Variants in MANBA observed in about 807,000 individuals in gnomAD.
The protein encoded by MANBA is mannosidase beta.
In MANBA, 83 loss-of-function variants were observed where a neutral mutation model predicts 111.1. The observed-to-expected ratio is 0.75, with a 90% confidence interval of 0.63 to 0.90. The LOEUF (loss-of-function observed/expected upper bound fraction) is 0.90. MANBA is among the 40% of genes least tolerant of loss of function. MANBA has a pLI of 0.00. For missense variants in MANBA, 1,036 were observed against 1,069.0 expected, an observed-to-expected ratio of 0.97 and a Z score of 0.43; for synonymous variants, 370 against 378.7, an observed-to-expected ratio of 0.98 and a Z score of 0.27.
intron 1 of MANBA, among the ~76,000 whole-genome samples, chr4:102,737,082 G>A (rs1216878500): frequency 1.3e-5 from 2 of 152,184 alleles, no homozygotes; most frequent in African/African-American, 4.8e-5. Context: ...GTCCAGGGAA[G>A]CCATTCCTGG....
intron 12 of MANBA, among the ~76,000 whole-genome samples, chr4:102,657,245 A>T (rs1730606637): frequency 7.8e-6 from 1 of 127,846 alleles, no homozygotes; most frequent in African/African-American, 2.8e-5. Flanking sequence ...GGCGGTGGTA[A>T]TGGAATAGGA....
intron 7 of MANBA, among the ~76,000 whole-genome samples, chr4:102,684,010 C>A (rs149583118): frequency 6.6e-6 from 1 of 152,104 alleles, no homozygotes; most frequent in African/African-American, 2.4e-5. Context: ...TTTCATGATT[C>A]CATACATTTC....
chr4:102,727,062 C>T (rs1158509851), intron 1 of MANBA, among the ~76,000 whole-genome samples: 1 of 152,192 alleles, frequency 6.6e-6, no homozygotes, highest in Non-Finnish European at 1.5e-5. Context: ...CAGGCATGAG[C>T]CATCATGTCC....
At chr4:102,744,861 G>A (rs1723534347) in intron 1 of MANBA, among the ~76,000 whole-genome samples, 1 of 152,156 alleles carries the variant, frequency 6.6e-6, no homozygotes, top group Non-Finnish European at 1.5e-5. Context: ...TATTTTTCTA[G>A]GTAGGGGTAG....
intron 1 of MANBA, among the ~76,000 whole-genome samples, chr4:102,743,346 C>T (rs1394484036): frequency 6.6e-6 from 1 of 152,232 alleles, no homozygotes; most frequent in African/African-American, 2.4e-5. Flanking sequence ...AGTGCACAAC[C>T]AGGTGCACTG....
chr4:102,653,121 T>G (rs1730409070), intron 12 of MANBA, among the ~76,000 whole-genome samples: 2 of 152,146 alleles, frequency 1.3e-5, no homozygotes, highest in African/African-American at 4.8e-5. Context: ...AGTTTACATT[T>G]CATGGGCTCT....
At chr4:102,753,246 A>G (rs1183536442) in intron 1 of MANBA, among the ~76,000 whole-genome samples, 1 of 152,070 alleles carries the variant, frequency 6.6e-6, no homozygotes, top group Admixed American at 6.5e-5. Flanking sequence ...TTGTCTCTAT[A>G]TACTTAGAAA....
At chr4:102,676,880 A>G (rs1731751310) in intron 7 of MANBA, among the ~76,000 whole-genome samples, 1 of 152,212 alleles carries the variant, frequency 6.6e-6, no homozygotes, top group Non-Finnish European at 1.5e-5. Context: ...AACTGCTAGT[A>G]GTCATTACAT....
At chr4:102,756,039 T>A (rs189807295) in intron 1 of MANBA, among the ~76,000 whole-genome samples, 2 of 152,280 alleles carry the variant, frequency 1.3e-5, no homozygotes, top group South Asian at 2.1e-4. Flanking sequence ...CTATAAACTA[T>A]TTCAACCATT....
chr4:102,716,401 GC>G (rs559738126), intron 4 of MANBA, among the ~76,000 whole-genome samples: 32 of 150,300 alleles, frequency 2.1e-4, no homozygotes, highest in African/African-American at 6.6e-4. Context: ...GGCTAAACTT[GC>G]CAACCTCAGG....
At chr4:102,681,955 G>A (rs955294064) in intron 7 of MANBA, among the ~76,000 whole-genome samples, 8 of 152,034 alleles carry the variant, frequency 5.3e-5, no homozygotes, top group South Asian at 2.1e-4. Flanking sequence ...AGACTAGCCT[G>A]ACCAACATGG....
intron 1 of MANBA, chr4:102,727,510 T>C (rs1233434162): frequency 6.4e-7 from 1 of 1,550,526 alleles, no homozygotes; most frequent in South Asian, 1.1e-5. Flanking sequence ...CACATCATTA[T>C]TGGGGATGAG....
At chr4:102,708,687 AC>A (rs1560788221) in intron 5 of MANBA, among the ~76,000 whole-genome samples, 1 of 152,092 alleles carries the variant, frequency 6.6e-6, no homozygotes, top group African/African-American at 2.4e-5. Context: ...GACAAAAAAA[AC>A]AGCAAAGGAT....
At chr4:102,693,611 G>A (rs1442686558) in intron 5 of MANBA, among the ~76,000 whole-genome samples, 3 of 152,142 alleles carry the variant, frequency 2.0e-5, no homozygotes, top group Admixed American at 6.6e-5. Flanking sequence ...AAGCCACTCT[G>A]CCTATGGTAT....
chr4:102,705,265 A>G (rs1472191739), intron 5 of MANBA, among the ~76,000 whole-genome samples: 1 of 152,136 alleles, frequency 6.6e-6, no homozygotes, highest in Admixed American at 6.5e-5. Flanking sequence ...CGCAGCCCCC[A>G]GGACTAGTAT....
chr4:102,694,009 T>G (rs1732598145), intron 5 of MANBA, among the ~76,000 whole-genome samples: 4 of 152,226 alleles, frequency 2.6e-5, no homozygotes, highest in Admixed American at 2.6e-4. Context: ...GGCTCCTGTG[T>G]TGTTTTCTGT....
intron 12 of MANBA, among the ~76,000 whole-genome samples, chr4:102,653,911 G>A (rs1730449133): frequency 1.3e-5 from 2 of 152,070 alleles, no homozygotes; most frequent in Admixed American, 1.3e-4. Flanking sequence ...ACTTATTGTC[G>A]AGAATGGGAA....
chr4:102,752,382 G>T lies in MANBA; in HGVS notation c.177+8336C>A. 3 of 1,219,642 alleles carry T rather than the reference G, an allele frequency of 2.5e-6. No homozygotes were observed. The South Asian group carries it at 3.6e-5, about 15-fold the overall frequency. 75.6% of individuals were successfully genotyped at this position (1,219,642 alleles called of 1,614,324 possible). ...CCCGAACTAAAGACCATTCTTTGGTGTCACTGTCCCTAACTTCAAATACAG... is the reference window on the plus strand; with the variant it reads ...CCCGAACTAAAGACCATTCTTTGGTTTCACTGTCCCTAACTTCAAATACAG... On this transcript the variant is annotated intron_variant, in intron 1 of 16. Transcript: ENST00000647097.
At chr4:102,646,892 C>T (rs184459755) in intron 13 of MANBA, among the ~76,000 whole-genome samples, 22 of 152,172 alleles carry the variant, frequency 1.4e-4, no homozygotes, top group African/African-American at 4.8e-4. Flanking sequence ...GGGAAGGATC[C>T]AAACGTGAAG....
Sources: allele counts gnomAD v4.1 joint callset (sites outside exome capture counted in the v4.1 genomes callset), GRCh38; gene constraint gnomAD v4.1.1; transcripts MANE v1.5; gene names NCBI Gene and HGNC (gene_info 2026-07-23, HGNC 2026-07-21).